ZMYND19: variants seen among roughly 807,000 people sequenced by gnomAD.
ZMYND19 encodes the protein zinc finger MYND domain-containing protein 19.
Under a neutral mutation model 32.0 loss-of-function variants are expected in ZMYND19, and 17 were observed. That is an observed-to-expected ratio of 0.53 (90% CI 0.36 to 0.80). The LOEUF is 0.80. ZMYND19 is among the 30% of genes least tolerant of loss of function. ZMYND19 has a pLI of 0.00. For synonymous variants in ZMYND19, 124 were observed against 113.6 expected, an observed-to-expected ratio of 1.09 and a Z score of -0.58; for missense variants, 250 against 293.6, an observed-to-expected ratio of 0.85 and a Z score of 1.09.
At chr9:137,588,620 C>G (rs1159765009) in intron 2 of ZMYND19, 39 bp downstream of exon 2, 5 of 1,612,110 alleles carry the variant, frequency 3.1e-6, no homozygotes, top group Middle Eastern at 1.7e-4. Flanking sequence ...TGGGCACTGA[C>G]CACGAGCATC....
intron 4 of ZMYND19, among the ~76,000 whole-genome samples, chr9:137,583,425 GA>G (rs1297455922): frequency 6.6e-6 from 1 of 152,208 alleles, no homozygotes; most frequent in Non-Finnish European, 1.5e-5. Context: ...CAGTAGGCAG[GA>G]GACAGGGCCC....
chr9:137,588,649 CCTTA>C lies in ZMYND19; in HGVS notation c.111+6_111+9del. ...GAGCATCAGGGGAGGGAACAGCCAT[CCTTA>C]CTTACCTCAAAGGAGTAGCTCTCCA... is the stretch of plus-strand genomic sequence containing the variant. On this transcript the variant is annotated splice_donor_region_variant and intron_variant, in intron 2 of 5. Transcript: ENST00000298585. 6.2e-7 allele frequency: 1 copy of C among 1,614,136 alleles called. No homozygotes were observed. Among genetic ancestry groups the C allele is most frequent in the Non-Finnish European group, 8.5e-7 (1 of 1,179,974 alleles).
chr9:137,587,218 G>A (rs1588974129), intron 3 of ZMYND19, 111 bp from the exon 4 acceptor site: 1 of 1,510,220 alleles, frequency 6.6e-7, no homozygotes, highest in African/African-American at 1.4e-5. Flanking sequence ...TCAGCCATGT[G>A]ATCTGATCGG....
intron 1 of ZMYND19, 112 bp from the exon 2 acceptor site, chr9:137,588,830 G>GT: frequency 1.6e-6 from 2 of 1,231,242 alleles, no homozygotes; most frequent in Non-Finnish European, 2.4e-6. Flanking sequence ...GAAGTGGAAA[G>GT]TAACTACAGG....
chr9:137,585,555 C>CAA (rs1842195154), intron 4 of ZMYND19, among the ~76,000 whole-genome samples: 1 of 151,942 alleles, frequency 6.6e-6, no homozygotes, highest in Non-Finnish European at 1.5e-5. Flanking sequence ...AAAAAAAACA[C>CAA]CAGCCCAACA....
At chr9:137,589,837 C>G in intron 1 of ZMYND19, 1 of 985,490 alleles carries the variant, frequency 1.0e-6, no homozygotes, top group Non-Finnish European at 1.2e-6. Flanking sequence ...TGTGGCCGCA[C>G]TGGCAGCCCG....
rs1283617835 is a variant in ZMYND19 at position 137,587,434 on chromosome 9, AC to A, written c.218+282del. The A allele has an allele frequency of 2.3e-5, 13 of 574,804 alleles. No individual in the cohort carries two copies. The Middle Eastern group carries it at 1.8e-3, about 80-fold the overall frequency. The allele number at this position is 574,804 out of a possible 1,614,324, so 35.6% of individuals were successfully genotyped here. On this transcript the variant is annotated intron_variant, in intron 3 of 5. Transcript: ENST00000298585. ...CATCTGAGTGGTCCCTACCATGCAC[AC>A]CGGGGGGGCTCGGCAAAACCCAGCA...
In ZMYND19 at chr9:137,587,272, G is replaced by A. The variant is rs1177011050; in HGVS notation, c.219-165C>T. Reference sequence around the variant, plus strand: ...GAGGGTACCTCAGGCGGAAGCTGCTGAGAGAAACCCAAGCACCTGATCTGT... The same window carrying A: ...GAGGGTACCTCAGGCGGAAGCTGCTAAGAGAAACCCAAGCACCTGATCTGT... On this transcript the variant is annotated intron_variant, in intron 3 of 5. Coordinates refer to ENST00000298585, the MANE Select transcript of ZMYND19 (RefSeq NM_138462.3). 3 of 1,172,446 alleles carry A rather than the reference G, an allele frequency of 2.6e-6. No individual in the cohort carries two copies. In the South Asian group the frequency reaches 4.7e-5, roughly 18 times the overall value. 72.6% of individuals were successfully genotyped at this position (1,172,446 alleles called of 1,614,324 possible).
rs1842258948 is a variant in ZMYND19 at position 137,590,317 on chromosome 9, G to A, written c.-54C>T. On this transcript the variant is annotated 5_prime_UTR_variant, in exon 1 of 6. Transcript: ENST00000298585. This position sits in a 1 kb window ranked among gnomAD's most constrained non-coding sequence, Gnocchi z 4.2. ...GCCGCTCCCTCGGGAGGCGCCGAGC[G>A]GGGGCCGGGGCGAGGCCGCGGCGCG... 6 of 1,014,858 alleles carry A rather than the reference G, an allele frequency of 5.9e-6. No individual in the cohort carries two copies. The South Asian group carries it at 2.5e-4, about 42-fold the overall frequency. The allele number at this position is 1,014,858 out of a possible 1,614,324, so 62.9% of individuals were successfully genotyped here. A position where few individuals can be genotyped will look rare whatever the true frequency, so the allele number is the denominator to read the frequency against.
rs566111122 is a variant in ZMYND19 at position 137,582,225 on chromosome 9, C to G, written c.*318G>C. On this transcript the variant is annotated 3_prime_UTR_variant, in exon 6 of 6. Coordinates refer to ENST00000298585, the MANE Select transcript of ZMYND19 (RefSeq NM_138462.3). ...CTGACCGTTTGCCATTTAAGGATTA[C>G]AGCAAATGATTCTATTTGTAATTTC... The G allele has an allele frequency of 3.9e-6, 1 of 254,234 alleles. No individual in the cohort carries two copies. Among genetic ancestry groups the G allele is most frequent in the Admixed American group, 5.2e-5 (1 of 19,412 alleles). 15.7% of individuals were successfully genotyped at this position (254,234 alleles called of 1,614,324 possible). A position where few individuals can be genotyped will look rare whatever the true frequency, so the allele number is the denominator to read the frequency against.
chr9:137,584,785 G>C (rs1222757408), intron 4 of ZMYND19, among the ~76,000 whole-genome samples: 1 of 152,176 alleles, frequency 6.6e-6, no homozygotes, highest in Non-Finnish European at 1.5e-5. Flanking sequence ...CACTAGAACA[G>C]GGTGCCTGCT....
intron 2 of ZMYND19, 68 bp downstream of exon 2, chr9:137,588,591 T>A (rs1842233448): frequency 6.4e-7 from 1 of 1,564,630 alleles, no homozygotes; most frequent in Non-Finnish European, 8.8e-7. Flanking sequence ...GGGAGAGAGC[T>A]CGTTCCTCGT....
chr9:137,584,308 C>A (rs1012138499), intron 4 of ZMYND19, among the ~76,000 whole-genome samples: 1 of 152,260 alleles, frequency 6.6e-6, no homozygotes, highest in South Asian at 2.1e-4. Context: ...GCAGCCCCAG[C>A]GCAACTCGTC....
At chr9:137,588,342 C>T (rs1339222813) in intron 2 of ZMYND19, among the ~76,000 whole-genome samples, 1 of 152,246 alleles carries the variant, frequency 6.6e-6, no homozygotes, top group Admixed American at 6.5e-5. Flanking sequence ...AGCTAACAGA[C>T]ATGGTCCACG....
chr9:137,588,645 C>G lies in ZMYND19; in HGVS notation c.111+14G>C, dbSNP rs1431592202. 2 of 1,613,956 alleles carry G rather than the reference C, an allele frequency of 1.2e-6. No individual in the cohort carries two copies. Among genetic ancestry groups the G allele is most frequent in the African/African-American group, 2.7e-5 (2 of 74,934 alleles). On this transcript the variant is annotated intron_variant, in intron 2 of 5. Coordinates refer to ENST00000298585, the MANE Select transcript of ZMYND19 (RefSeq NM_138462.3). ...CCACGAGCATCAGGGGAGGGAACAG[C>G]CATCCTTACTTACCTCAAAGGAGTA...
At chr9:137,589,610 G>A (rs751234648) in intron 1 of ZMYND19, 26 of 985,330 alleles carry the variant, frequency 2.6e-5, no homozygotes, top group Non-Finnish European at 3.1e-5. Flanking sequence ...AAGAAGAGAA[G>A]TCGAGGAAGG....
chr9:137,589,485 G>A (rs1842244756), intron 1 of ZMYND19: 1 of 985,350 alleles, frequency 1.0e-6, no homozygotes, highest in African/African-American at 1.7e-5. Context: ...GCTCCCATCC[G>A]GGTAAGGACC....
intron 1 of ZMYND19, 174 bp from the exon 2 acceptor site, chr9:137,588,892 G>A (rs150784463): frequency 0.013 from 8,682 of 661,300 alleles, 78 homozygotes; most frequent in Non-Finnish European, 0.018. Context: ...CCACCGTTTG[G>A]GGTGGTGCAG....
chr9:137,583,502 T>C (rs1202270005), intron 4 of ZMYND19, among the ~76,000 whole-genome samples: 2 of 152,132 alleles, frequency 1.3e-5, no homozygotes, highest in Non-Finnish European at 2.9e-5. Context: ...AGGTGCCCAT[T>C]ACTGCCCCGT....
Sources: gnomAD v4.1 joint callset for allele counts (sites outside exome capture counted in the v4.1 genomes callset) on GRCh38, gnomAD v4.1.1 for gene constraint, Gnocchi (gnomAD v3.1) non-coding constraint, MANE v1.5 for transcripts, NCBI Gene and HGNC (gene_info 2026-07-23, HGNC 2026-07-21) for gene names.